The following GRM1 variants were observed in gnomAD, a reference collection of about 807,000 sequenced individuals.
GRM1 encodes metabotropic glutamate receptor 1.
Under a neutral mutation model 90.9 loss-of-function variants are expected in GRM1, and 33 were observed. The observed-to-expected ratio is 0.36, with a 90% CI of 0.28 to 0.49. The LOEUF is 0.49. GRM1 is among the 20% of genes least tolerant of loss of function. The pLI is 0.99. For missense variants in GRM1, 1,190 were observed against 1,534.3 expected, an observed-to-expected ratio of 0.78 and a Z score of 3.75; for synonymous variants, 700 against 613.2, an observed-to-expected ratio of 1.14 and a Z score of -2.09.
chr6:146,270,956 T>C (rs9497517), intron 2 of GRM1, among the ~76,000 whole-genome samples: 5,360 of 81,504 alleles, frequency 0.066, 358 homozygotes, highest in African/African-American at 0.21. Context: ...TTCCTTCCTT[T>C]CTTTCTTTCT....
chr6:146,424,720 C>T (rs2268665), intron 7 of GRM1, among the ~76,000 whole-genome samples: 97,670 of 152,140 alleles, frequency 0.64, 33,278 homozygotes, highest in African/African-American at 0.89. Context: ...GCCAATTGAA[C>T]AGGCCACATA....
rs187450592 is a variant in GRM1 at position 146,137,008 on chromosome 6, A to T, written c.701-22340A>T. Reference sequence around the variant, plus strand: ...GCTGGTATTACAGGCATGCACCACCACACCCGGCTAATTTTTGTATTTTTA... The same window carrying T: ...GCTGGTATTACAGGCATGCACCACCTCACCCGGCTAATTTTTGTATTTTTA... On this transcript the variant is annotated intron_variant, in intron 1 of 7. Coordinates refer to ENST00000282753, the MANE Select transcript of GRM1 (RefSeq NM_001278064.2). 2.6e-3 allele frequency among the ~76,000 whole-genome samples: 391 copies of T among 152,004 alleles called. 3 individuals carry two copies. The highest frequency in any genetic ancestry group is 8.7e-3 in the African/African-American group (359 of 41,478).
At chr6:146,175,407 A>G (rs1778303504) in intron 2 of GRM1, among the ~76,000 whole-genome samples, 1 of 152,170 alleles carries the variant, frequency 6.6e-6, no homozygotes, top group Non-Finnish European at 1.5e-5. Flanking sequence ...TTCTTGTTAC[A>G]ACCTCTACTT....
chr6:146,314,572 GTGTT>G (rs1269682629), intron 3 of GRM1, among the ~76,000 whole-genome samples: 1 of 152,126 alleles, frequency 6.6e-6, no homozygotes, highest in Non-Finnish European at 1.5e-5. Flanking sequence ...TGGTAAGTGT[GTGTT>G]TAACTTCTTT....
At chr6:146,304,505 A>C in intron 2 of GRM1, 106 bp from the exon 3 acceptor site, 1 of 845,352 alleles carries the variant, frequency 1.2e-6, no homozygotes, top group Non-Finnish European at 2.0e-6. Flanking sequence ...CTGGCTTAAA[A>C]TAGTCTGTAG....
At chr6:146,378,659 A>G (rs1218008624) in intron 5 of GRM1, among the ~76,000 whole-genome samples, 2 of 152,156 alleles carry the variant, frequency 1.3e-5, no homozygotes, top group African/African-American at 4.8e-5. Flanking sequence ...TTTTGATTTT[A>G]CAGGCTTATA....
chr6:146,114,846 T>G (rs1008538201), intron 1 of GRM1, among the ~76,000 whole-genome samples: 5 of 152,118 alleles, frequency 3.3e-5, no homozygotes, highest in African/African-American at 7.2e-5. Context: ...TATCCCCATT[T>G]TAAGGATCAA....
intron 1 of GRM1, among the ~76,000 whole-genome samples, chr6:146,086,930 T>C (rs1272234197): frequency 6.6e-6 from 1 of 152,116 alleles, no homozygotes; most frequent in Non-Finnish European, 1.5e-5. Flanking sequence ...AGTAATCTAT[T>C]ATGATGGCAA....
At chr6:146,273,824 A>G (rs895037733) in intron 2 of GRM1, among the ~76,000 whole-genome samples, 1 of 152,232 alleles carries the variant, frequency 6.6e-6, no homozygotes, top group Non-Finnish European at 1.5e-5. Context: ...GGTTATTACA[A>G]GTAGTTACAT....
chr6:146,157,180 A>G (rs1777552894), intron 1 of GRM1, among the ~76,000 whole-genome samples: 1 of 152,176 alleles, frequency 6.6e-6, no homozygotes, highest in Non-Finnish European at 1.5e-5. Context: ...GAGCAGAGAA[A>G]GAAAATCCAA....
chr6:146,343,231 T>C (rs1015826071), intron 3 of GRM1, among the ~76,000 whole-genome samples: 3 of 152,208 alleles, frequency 2.0e-5, no homozygotes, highest in African/African-American at 7.2e-5. Flanking sequence ...CAAATATATA[T>C]GATCAATTTA....
intron 7 of GRM1, among the ~76,000 whole-genome samples, chr6:146,418,493 T>C (rs1333842282): frequency 6.6e-6 from 1 of 151,928 alleles, no homozygotes; most frequent in East Asian, 1.9e-4. Flanking sequence ...ACCACTGATA[T>C]TTTTATGTAT....
intron 1 of GRM1, among the ~76,000 whole-genome samples, chr6:146,141,463 G>A (rs560643967): frequency 4.4e-4 from 67 of 151,988 alleles, no homozygotes; most frequent in South Asian, 1.5e-3. Flanking sequence ...ATTATCCTGC[G>A]AAGAAACTTT....
chr6:146,387,067 A>G (rs371399158), intron 6 of GRM1, 51 bp downstream of exon 6: 2 of 1,562,780 alleles, frequency 1.3e-6, no homozygotes, highest in African/African-American at 2.7e-5. Flanking sequence ...TGCCTTTCCA[A>G]TGTGTCCATC....
intron 2 of GRM1, among the ~76,000 whole-genome samples, chr6:146,179,566 T>C (rs1188207730): frequency 6.6e-6 from 1 of 152,166 alleles, no homozygotes; most frequent in Non-Finnish European, 1.5e-5. Context: ...CAGGCGGGAG[T>C]GCAGTGGTGC....
intron 1 of GRM1, among the ~76,000 whole-genome samples, chr6:146,091,797 A>C (rs1334319066): frequency 6.6e-6 from 1 of 152,116 alleles, no homozygotes. Context: ...CTGCAATCTT[A>C]ATAGAATTCA....
chr6:146,263,061 TAAG>T (rs970003042), intron 2 of GRM1, among the ~76,000 whole-genome samples: 4 of 151,956 alleles, frequency 2.6e-5, no homozygotes, highest in Non-Finnish European at 4.4e-5. Flanking sequence ...CAATATGTAT[TAAG>T]AACCTTTAAA....
At chr6:146,427,549 G>A (rs1778255348) in intron 7 of GRM1, among the ~76,000 whole-genome samples, 3 of 152,206 alleles carry the variant, frequency 2.0e-5, no homozygotes, top group Non-Finnish European at 4.4e-5. Context: ...CATGGAGGCT[G>A]ATGAATAGGG....
chr6:146,369,827 C>T (rs1010858662), intron 5 of GRM1, among the ~76,000 whole-genome samples: 7 of 151,964 alleles, frequency 4.6e-5, no homozygotes, highest in Non-Finnish European at 1.0e-4. Context: ...CTGTAAATGT[C>T]AGTTAGGTCC....
Sources: gnomAD v4.1 joint callset for allele counts (sites outside exome capture counted in the v4.1 genomes callset) on GRCh38, gnomAD v4.1.1 for gene constraint, MANE v1.5 for transcripts, NCBI Gene and HGNC (gene_info 2026-07-23, HGNC 2026-07-21) for gene names.